The following CAST variants were observed in gnomAD, a reference collection of about 807,000 sequenced individuals.
CAST encodes the protein MIR583 host.
CAST carries 76 observed loss-of-function variants against 119.6 expected under a neutral mutation model. The observed-to-expected ratio is 0.64, with a 90% confidence interval of 0.53 to 0.77. The LOEUF is 0.77. Ranked by LOEUF, CAST falls within the 30% of genes least tolerant of loss-of-function variation. CAST has a pLI of 0.00. For synonymous variants in CAST, 319 were observed against 331.6 expected, an observed-to-expected ratio of 0.96 and a Z score of 0.41; for missense variants, 953 against 946.5, an observed-to-expected ratio of 1.01 and a Z score of -0.09.
the CAST span, among the ~76,000 whole-genome samples, chr5:96,032,100 C>T: frequency 6.6e-6 from 1 of 152,156 alleles, no homozygotes; most frequent in Admixed American, 6.6e-5. Flanking sequence ...CACATTCCAT[C>T]ACTCTTTCTG....
chr5:96,334,862 T>C, the CAST span, among the ~76,000 whole-genome samples: 1 of 152,108 alleles, frequency 6.6e-6, no homozygotes, highest in African/African-American at 2.4e-5. Flanking sequence ...AAATGCAATA[T>C]CAAAAATGAT....
chr5:96,771,614 G>A (rs1264955614), intron 30 of CAST, 30 bp from the exon 31 acceptor site: 2 of 1,596,402 alleles, frequency 1.3e-6, no homozygotes, highest in African/African-American at 1.3e-5. Flanking sequence ...AGAAAAGAAA[G>A]CTCACGGATG....
At chr5:96,765,766 C>T (rs1183173128) in intron 26 of CAST, among the ~76,000 whole-genome samples, 5 of 152,090 alleles carry the variant, frequency 3.3e-5, no homozygotes, top group African/African-American at 9.7e-5. Context: ...TTCTAATCTC[C>T]TAACATGGTT....
intron 9 of CAST, among the ~76,000 whole-genome samples, chr5:96,734,532 GGAAAT>G (rs1761246456): frequency 6.6e-6 from 1 of 152,216 alleles, no homozygotes; most frequent in South Asian, 2.1e-4. Context: ...TCAGGTTTTA[GGAAAT>G]GATTGACAGA....
chr5:96,561,786 G>GTTTTT (rs1554067776), intron 1 of CAST, among the ~76,000 whole-genome samples: 1 of 105,432 alleles, frequency 9.5e-6, no homozygotes, highest in Non-Finnish European at 1.9e-5. Flanking sequence ...TTATATATAT[G>GTTTTT]TTTTTTTTTG....
chr5:96,090,933 A>G, the CAST span, among the ~76,000 whole-genome samples: 2 of 152,034 alleles, frequency 1.3e-5, no homozygotes, highest in African/African-American at 4.8e-5. Flanking sequence ...TCTGAGCTCT[A>G]GTGAGAGACC....
At chr5:96,260,157 G>A in the CAST span, among the ~76,000 whole-genome samples, 21 of 152,100 alleles carry the variant, frequency 1.4e-4, no homozygotes, top group African/African-American at 4.8e-4. Context: ...TTTAAAACCA[G>A]ATTAAAAAAA....
At chr5:96,541,806 C>T (rs2150179958) in intron 1 of CAST, among the ~76,000 whole-genome samples, 2 of 152,182 alleles carry the variant, frequency 1.3e-5, no homozygotes, top group Middle Eastern at 6.8e-3. Context: ...ATCTCATTTC[C>T]GAATTATAAT....
chr5:96,736,760 T>G (rs986596256), intron 10 of CAST, among the ~76,000 whole-genome samples: 2 of 152,218 alleles, frequency 1.3e-5, no homozygotes, highest in African/African-American at 4.8e-5. Context: ...TTTTCTCCTT[T>G]CAATGCAGGT....
chr5:96,575,099 T>C (rs1746645482), intron 1 of CAST, among the ~76,000 whole-genome samples: 1 of 152,194 alleles, frequency 6.6e-6, no homozygotes, highest in African/African-American at 2.4e-5. Flanking sequence ...CTGCATTTTA[T>C]AATTTTCAAG....
the CAST span, among the ~76,000 whole-genome samples, chr5:96,362,737 C>G: frequency 5.9e-5 from 9 of 152,090 alleles, no homozygotes; most frequent in African/African-American, 1.7e-4. Flanking sequence ...GATATTAGCC[C>G]TTTGTCAGAT....
intron 2 of CAST, among the ~76,000 whole-genome samples, chr5:96,691,836 CAG>C (rs1250719292): frequency 2.0e-5 from 3 of 152,178 alleles, no homozygotes; most frequent in Non-Finnish European, 4.4e-5. Context: ...CCTTTCTTCA[CAG>C]AGTCATGAAG....
chr5:96,000,272 A>AT, the CAST span, among the ~76,000 whole-genome samples: 3 of 151,970 alleles, frequency 2.0e-5, no homozygotes, highest in African/African-American at 7.2e-5. Context: ...CAATTTATCA[A>AT]TTTTTTTATT....
At chr5:96,525,700 C>G (rs139121380), upstream of CAST, among the ~76,000 whole-genome samples, 1 of 152,170 alleles carries the variant, frequency 6.6e-6, no homozygotes, top group African/African-American at 2.4e-5. Flanking sequence ...TCCTACTTAC[C>G]ATTTAGTTAA....
At chr5:96,662,960 C>T (rs1748765051) in intron 1 of CAST, 5 of 599,406 alleles carry the variant, frequency 8.3e-6, no homozygotes, top group Non-Finnish European at 1.5e-5. Context: ...AGGGGCGGGG[C>T]CTGCGCCGGG....
chr5:96,414,812 T>C, the CAST span, among the ~76,000 whole-genome samples: 1 of 152,126 alleles, frequency 6.6e-6, no homozygotes, highest in Admixed American at 6.5e-5. Flanking sequence ...TCTCCCTTCA[T>C]TTTTTTTAAA....
At chr5:96,412,240 A>C in the CAST span, 108 of 1,192,712 alleles carry the variant, frequency 9.1e-5, no homozygotes, top group Non-Finnish European at 1.2e-4. Flanking sequence ...TATTCCATGT[A>C]ACCTAAGTGT....
At chr5:96,069,342 CAT>C in the CAST span, among the ~76,000 whole-genome samples, 3 of 145,236 alleles carry the variant, frequency 2.1e-5, no homozygotes, top group Non-Finnish European at 4.5e-5. Flanking sequence ...GACTGGAAAG[CAT>C]GTGTGTATGT....
chr5:96,636,809 G>C (rs929010165), intron 1 of CAST, among the ~76,000 whole-genome samples: 1 of 152,142 alleles, frequency 6.6e-6, no homozygotes, highest in African/African-American at 2.4e-5. Context: ...GACATTTGCA[G>C]AAGTGTGGGA....
Sources: allele counts gnomAD v4.1 joint callset (sites outside exome capture counted in the v4.1 genomes callset), GRCh38; gene constraint gnomAD v4.1.1; transcripts MANE v1.5; gene names NCBI Gene and HGNC (gene_info 2026-07-23, HGNC 2026-07-21).